Variants in CNTNAP2 observed in about 807,000 individuals in gnomAD.
The protein encoded by CNTNAP2 is contactin-associated protein-like 2.
In CNTNAP2, 98 loss-of-function variants were observed where a neutral mutation model predicts 155.2. That is an observed-to-expected ratio of 0.63 (90% CI 0.54 to 0.75). The LOEUF (loss-of-function observed/expected upper bound fraction) is 0.75. Ranked by LOEUF, CNTNAP2 falls within the 30% of genes least tolerant of loss-of-function variation. The pLI is 0.00. For missense variants in CNTNAP2, 1,727 were observed against 1,688.1 expected, an observed-to-expected ratio of 1.02 and a Z score of -0.40; for synonymous variants, 651 against 631.2, an observed-to-expected ratio of 1.03 and a Z score of -0.47.
chr7:148,371,567 A>G (rs1190726289), intron 21 of CNTNAP2, among the ~76,000 whole-genome samples: 1 of 152,098 alleles, frequency 6.6e-6, no homozygotes, highest in East Asian at 1.9e-4. Flanking sequence ...CACCACTAAA[A>G]TTCTCCTTGA....
chr7:147,605,814 A>G (rs1563018549), intron 12 of CNTNAP2, among the ~76,000 whole-genome samples: 1 of 152,036 alleles, frequency 6.6e-6, no homozygotes, highest in Non-Finnish European at 1.5e-5. Context: ...AGGATATCAA[A>G]GCATCATATT....
chr7:146,841,403 G>A (rs1803720521), intron 3 of CNTNAP2, among the ~76,000 whole-genome samples: 1 of 151,984 alleles, frequency 6.6e-6, no homozygotes, highest in South Asian at 2.1e-4. Context: ...GAAATCAAGT[G>A]GCCAACCAAC....
chr7:148,331,056 ATGGATGGAG>A (rs1443652000), intron 21 of CNTNAP2, among the ~76,000 whole-genome samples: 2 of 144,678 alleles, frequency 1.4e-5, no homozygotes, highest in African/African-American at 2.6e-5. Context: ...GACGGATGGG[ATGGATGGAG>A]TGGATGGATG....
intron 1 of CNTNAP2, among the ~76,000 whole-genome samples, chr7:146,357,996 C>CTTTA (rs889037369): frequency 6.9e-4 from 103 of 150,348 alleles, no homozygotes; most frequent in South Asian, 5.4e-3. Flanking sequence ...TTCTGGGCAG[C>CTTTA]TTTATTTATT....
intron 8 of CNTNAP2, among the ~76,000 whole-genome samples, chr7:147,296,522 T>A (rs981715666): frequency 4.6e-5 from 7 of 152,244 alleles, no homozygotes; most frequent in African/African-American, 1.7e-4. Context: ...AAATAACATT[T>A]ATTGTTTTCC....
chr7:146,175,850 T>C (rs1798462544), intron 1 of CNTNAP2, among the ~76,000 whole-genome samples: 1 of 152,198 alleles, frequency 6.6e-6, no homozygotes, highest in South Asian at 2.1e-4. Context: ...TCCTTGTCTA[T>C]TTTTCTTTCT....
chr7:146,733,384 CTTA>C (rs1216204667), intron 1 of CNTNAP2, among the ~76,000 whole-genome samples: 3 of 151,750 alleles, frequency 2.0e-5, no homozygotes, highest in African/African-American at 7.3e-5. Flanking sequence ...TATTCGTTTG[CTTA>C]TTATTTATAG....
intron 10 of CNTNAP2, among the ~76,000 whole-genome samples, chr7:147,410,309 G>A (rs1321844968): frequency 1.3e-5 from 2 of 152,170 alleles, no homozygotes; most frequent in African/African-American, 2.4e-5. Flanking sequence ...AATGTCACAT[G>A]TTCTCACTTA....
At position 146,588,517 on chromosome 7, in the gene CNTNAP2, TA is replaced by T. The variant is rs1798731489; in HGVS notation, c.98-185753del. On this transcript the variant is annotated intron_variant, in intron 1 of 23. Transcript: ENST00000361727. ...GTGTGAAATTACAGCTTATTATATG[TA>T]TTTTTTTTTTTTTAAATTTACTCTG... 1.6e-4 allele frequency among the ~76,000 whole-genome samples: 8 copies of T among 50,812 alleles called. No individual in the cohort carries two copies. In the South Asian group the frequency reaches 6.8e-3, roughly 43 times the overall value. 33.3% of individuals were successfully genotyped at this position (50,812 alleles called of 152,430 possible). A position where few individuals can be genotyped will look rare whatever the true frequency, so the allele number is the denominator to read the frequency against.
At chr7:148,400,327 C>T (rs1347316315) in intron 22 of CNTNAP2, among the ~76,000 whole-genome samples, 2 of 152,204 alleles carry the variant, frequency 1.3e-5, no homozygotes, top group East Asian at 3.9e-4. Context: ...TTCCTTCAGA[C>T]CGGGGTTTAA....
intron 1 of CNTNAP2, among the ~76,000 whole-genome samples, chr7:146,657,541 T>A (rs938741788): frequency 3.3e-5 from 5 of 152,156 alleles, no homozygotes; most frequent in Non-Finnish European, 7.4e-5. Flanking sequence ...GTTCTCTGTC[T>A]CTCTGTTTCT....
chr7:147,807,322 C>CAAAAAAAAAAAAAAAAAA (rs768465391), intron 13 of CNTNAP2, among the ~76,000 whole-genome samples: 2 of 64,776 alleles, frequency 3.1e-5, no homozygotes, highest in Admixed American at 2.2e-4. Context: ...GTCCTTGACT[C>CAAAAAAAAAAAAAAAAAA]AAAAAAAAAA....
chr7:147,596,591 C>T (rs1220284509), intron 12 of CNTNAP2, among the ~76,000 whole-genome samples: 1 of 152,128 alleles, frequency 6.6e-6, no homozygotes, highest in Non-Finnish European at 1.5e-5. Context: ...CAGCCTGAGC[C>T]CCATCTCATT....
chr7:148,162,274 T>A (rs1342074733), intron 17 of CNTNAP2, among the ~76,000 whole-genome samples: 1 of 152,198 alleles, frequency 6.6e-6, no homozygotes, highest in African/African-American at 2.4e-5. Flanking sequence ...CTAAAGATAT[T>A]TGCAAAAATG....
chr7:146,190,541 A>G (rs566519830), intron 1 of CNTNAP2, among the ~76,000 whole-genome samples: 2 of 152,260 alleles, frequency 1.3e-5, no homozygotes, highest in East Asian at 3.9e-4. Context: ...CTGTGGTACC[A>G]AAACCCTTTG....
At chr7:146,986,559 A>G (rs1798117572) in intron 3 of CNTNAP2, among the ~76,000 whole-genome samples, 1 of 152,182 alleles carries the variant, frequency 6.6e-6, no homozygotes, top group Non-Finnish European at 1.5e-5. Flanking sequence ...TTCTACTTTT[A>G]ATTATTCAAG....
chr7:146,434,097 G>A (rs1002003005), intron 1 of CNTNAP2, among the ~76,000 whole-genome samples: 1 of 152,076 alleles, frequency 6.6e-6, no homozygotes, highest in African/African-American at 2.4e-5. Context: ...CAAACAGACT[G>A]AATTTCACAA....
At chr7:146,286,284 T>G (rs909272093) in intron 1 of CNTNAP2, among the ~76,000 whole-genome samples, 2 of 151,132 alleles carry the variant, frequency 1.3e-5, no homozygotes, top group Non-Finnish European at 2.9e-5. Context: ...CAATGATAAC[T>G]TCTCTCTCTC....
chr7:146,268,667 T>C (rs1163515648), intron 1 of CNTNAP2, among the ~76,000 whole-genome samples: 3 of 152,072 alleles, frequency 2.0e-5, no homozygotes, highest in Admixed American at 6.5e-5. Context: ...GACACCCAAA[T>C]GAAAAGAGGA....
Sources: gnomAD v4.1 joint callset for allele counts (sites outside exome capture counted in the v4.1 genomes callset) on GRCh38, gnomAD v4.1.1 for gene constraint, MANE v1.5 for transcripts, NCBI Gene and HGNC (gene_info 2026-07-23, HGNC 2026-07-21) for gene names.